LTN1: variants seen among roughly 807,000 people sequenced by gnomAD.
The protein encoded by LTN1 is listerin E3 ubiquitin protein ligase 1.
In LTN1, 88 loss-of-function variants were observed where a neutral mutation model predicts 201.2. The ratio of observed to expected loss-of-function variants is 0.44; its 90% confidence interval spans 0.37 to 0.52. The LOEUF (loss-of-function observed/expected upper bound fraction) is 0.52, where lower values mean the gene tolerates loss of function less well. Ranked by LOEUF, LTN1 falls within the 20% of genes least tolerant of loss-of-function variation. The pLI is 0.00. For missense variants in LTN1, 1,752 were observed against 2,038.7 expected (o/e 0.86, Z 2.71); for synonymous variants, 645 against 713.5 (o/e 0.90, Z 1.53).
At chr21:28,989,839 AC>A (rs2084731274) in intron 1 of LTN1, among the ~76,000 whole-genome samples, 2 of 152,032 alleles carry the variant, frequency 1.3e-5, no homozygotes, top group African/African-American at 4.8e-5. Context: ...ACATGGCAAA[AC>A]CCTGTATCTA....
chr21:28,987,925 C>T (rs1184030314), intron 1 of LTN1, among the ~76,000 whole-genome samples: 2 of 151,754 alleles, frequency 1.3e-5, no homozygotes, highest in Admixed American at 6.6e-5. Flanking sequence ...GGGCAGATCA[C>T]GAGGTCAGGA....
At chr21:28,981,387 T>C in intron 5 of LTN1, 88 bp from the exon 6 acceptor site, 1 of 702,044 alleles carries the variant, frequency 1.4e-6, no homozygotes, top group South Asian at 5.1e-5. Context: ...GTTTTATCAT[T>C]AAATATCTAC....
chr21:28,942,415 A>C (rs542323491), intron 24 of LTN1, among the ~76,000 whole-genome samples: 1 of 152,154 alleles, frequency 6.6e-6, no homozygotes, highest in Admixed American at 6.6e-5. Context: ...GTAATGACCA[A>C]ATCCCCCCAA....
intron 1 of LTN1, among the ~76,000 whole-genome samples, chr21:28,989,636 T>C (rs556578251): frequency 6.6e-6 from 1 of 152,304 alleles, no homozygotes; most frequent in South Asian, 2.1e-4. Context: ...TGCCACTCTT[T>C]CCTTCCCTTG....
chr21:28,970,551 C>T lies in LTN1; in HGVS notation c.1175+1G>A. Reference sequence around the variant, plus strand: ...AAAAATCAAAAATTTAAATTACTTACCCAGCAACTAGAGACGTGAGGAAAT... The same window carrying T: ...AAAAATCAAAAATTTAAATTACTTATCCAGCAACTAGAGACGTGAGGAAAT... On this transcript the variant is annotated splice_donor_variant, in intron 8 of 29. Coordinates refer to ENST00000361371, the MANE Select transcript of LTN1 (RefSeq NM_015565.3). LOFTEE classifies it high-confidence loss of function. 6.3e-7 allele frequency: 1 copy of T among 1,597,544 alleles called. No individual in the cohort carries two copies.
At chr21:28,932,909 A>C (rs8129841) in intron 27 of LTN1, among the ~76,000 whole-genome samples, 4,264 of 152,300 alleles carry the variant, frequency 0.028, 211 homozygotes, top group African/African-American at 0.097. Flanking sequence ...AAAAGGTTTT[A>C]TTATATTAGG....
At chr21:28,946,345 A>T (rs1490433259) in intron 19 of LTN1, 58 bp from the exon 20 acceptor site, 4 of 1,134,134 alleles carry the variant, frequency 3.5e-6, no homozygotes, top group African/African-American at 1.6e-5. Flanking sequence ...CGCTACTATT[A>T]AAAAAAAGTC....
chr21:28,945,416 C>A (rs772109174), intron 21 of LTN1, among the ~76,000 whole-genome samples: 7 of 152,148 alleles, frequency 4.6e-5, no homozygotes, highest in Admixed American at 1.3e-4. Context: ...CTAATTCCCT[C>A]TGAATCTGCT....
At chr21:28,962,247 T>C (rs2084485137) in intron 11 of LTN1, among the ~76,000 whole-genome samples, 1 of 152,186 alleles carries the variant, frequency 6.6e-6, no homozygotes, top group Non-Finnish European at 1.5e-5. Context: ...CCTTGTTTTA[T>C]TGGGCTTAAT....
intron 24 of LTN1, among the ~76,000 whole-genome samples, chr21:28,941,711 G>A (rs977851231): frequency 2.0e-5 from 3 of 152,042 alleles, no homozygotes; most frequent in Non-Finnish European, 2.9e-5. Flanking sequence ...AGTTAGTAGG[G>A]GAAACTGTTA....
chr21:28,953,451 C>A, intron 16 of LTN1, 75 bp from the exon 17 acceptor site: 1 of 1,117,214 alleles, frequency 9.0e-7, no homozygotes, highest in East Asian at 2.6e-5. Flanking sequence ...ACTTCTCCAC[C>A]TTGTTTTCTA....
rs2084758668 is a variant in LTN1 at position 28,992,814 on chromosome 21, T to C, written c.-9A>G. The C allele has an allele frequency of 1.2e-6, 2 of 1,614,040 alleles. No homozygotes were observed. The highest frequency in any genetic ancestry group is 1.3e-5 in the African/African-American group (1 of 74,922). ...TTGTTCTTCCCGCCCATGGTCGCGG[T>C]TGCAGCTGTACTCTGAGCACTCAGA... is the stretch of plus-strand genomic sequence containing the variant. On this transcript the variant is annotated 5_prime_UTR_variant, in exon 1 of 30. Coordinates refer to ENST00000361371, the MANE Select transcript of LTN1 (RefSeq NM_015565.3).
chr21:28,956,117 G>A (rs2084423489), intron 16 of LTN1, among the ~76,000 whole-genome samples: 1 of 152,078 alleles, frequency 6.6e-6, no homozygotes, highest in Admixed American at 6.5e-5. Flanking sequence ...GTTACCCTGA[G>A]AAGGGTCAGG....
At chr21:28,932,819 T>C (rs1451523049) in intron 27 of LTN1, among the ~76,000 whole-genome samples, 155 bp from the exon 28 acceptor site, 1 of 152,226 alleles carries the variant, frequency 6.6e-6, no homozygotes, top group Non-Finnish European at 1.5e-5. Flanking sequence ...AAGAAATACG[T>C]TTAAATACCT....
At position 28,944,370 on chromosome 21, in the gene LTN1, C is replaced by T. The variant is rs1311550989; in HGVS notation, c.3982+13G>A. ...AATGAATCAATCTCACTATTATTCC[C>T]TTTTTCACTTGCCTGTAACAGTCAC... On this transcript the variant is annotated intron_variant, in intron 22 of 29. Transcript: ENST00000361371. The T allele has an allele frequency of 2.5e-5, 40 of 1,596,012 alleles. No individual in the cohort carries two copies. The highest frequency in any genetic ancestry group is 3.4e-5 in the Non-Finnish European group (40 of 1,163,914).
chr21:28,988,498 A>G (rs1386106945), intron 1 of LTN1, among the ~76,000 whole-genome samples: 1 of 152,008 alleles, frequency 6.6e-6, no homozygotes, highest in African/African-American at 2.4e-5. Context: ...AATACCTAGC[A>G]AAAGTGTGTT....
chr21:28,954,015 G>C (rs1218781228), intron 16 of LTN1, among the ~76,000 whole-genome samples: 6 of 152,032 alleles, frequency 3.9e-5, no homozygotes. Flanking sequence ...ATTGTGACCT[G>C]GTTCAAAATC....
chr21:28,969,919 A>C (rs909417439), intron 8 of LTN1, among the ~76,000 whole-genome samples: 2 of 152,080 alleles, frequency 1.3e-5, no homozygotes, highest in African/African-American at 4.8e-5. Context: ...CCTGGCCTCA[A>C]GCAATCCTCC....
chr21:28,943,179 G>C (rs1489290308), intron 24 of LTN1, 83 bp downstream of exon 24: 6 of 743,256 alleles, frequency 8.1e-6, no homozygotes, highest in Non-Finnish European at 1.1e-5. Context: ...TATAGCTTCT[G>C]TGCTGCTTCA....
Sources: allele counts gnomAD v4.1 joint callset (sites outside exome capture counted in the v4.1 genomes callset), GRCh38; gene constraint gnomAD v4.1.1; transcripts MANE v1.5; gene names NCBI Gene and HGNC (gene_info 2026-07-23, HGNC 2026-07-21).